Variants in PDS5B observed in about 807,000 individuals in gnomAD.
The protein encoded by PDS5B is sister chromatid cohesion protein PDS5 homolog B.
In PDS5B, 51 loss-of-function variants were observed where a neutral mutation model predicts 184.1. The ratio of observed to expected loss-of-function variants is 0.28; its 90% CI spans 0.22 to 0.35. The LOEUF (loss-of-function observed/expected upper bound fraction) is 0.35. Ranked by LOEUF, PDS5B falls within the 10% of genes least tolerant of loss-of-function variation. The pLI, the probability that PDS5B is intolerant of heterozygous loss-of-function variation, is 1.00. For missense variants in PDS5B, 1,180 were observed against 1,723.3 expected (o/e 0.68, Z 5.58); for synonymous variants, 566 against 569.2 (o/e 0.99, Z 0.08).
Position 32,701,784 on chromosome 13 carries a change from A to G in PDS5B, c.1856+346A>G, listed in dbSNP as rs568420612. 2.0e-5 allele frequency among the ~76,000 whole-genome samples: 3 copies of G among 152,244 alleles called. No individual in the cohort carries two copies. In the South Asian group the frequency reaches 6.2e-4, roughly 32 times the overall value. Reference sequence around the variant, plus strand: ...ACACTCTTTGTTTTTGTTAACTTGTATAGTTTAGGTAATATAAATAAATTT... The same window carrying G: ...ACACTCTTTGTTTTTGTTAACTTGTGTAGTTTAGGTAATATAAATAAATTT... On this transcript the variant is annotated intron_variant, in intron 17 of 34. Coordinates refer to ENST00000315596, the MANE Select transcript of PDS5B (RefSeq NM_015032.4).
At chr13:32,684,311 G>T (rs1351649357) in intron 11 of PDS5B, among the ~76,000 whole-genome samples, 1 of 152,100 alleles carries the variant, frequency 6.6e-6, no homozygotes, top group Non-Finnish European at 1.5e-5. Context: ...AGGGACTTTT[G>T]TAAAGGCCTG....
rs747834611 is a variant in PDS5B at position 32,770,267 on chromosome 13, A to C, written c.3771A>C (p.Ser1257=). 6.2e-7 allele frequency: 1 copy of C among 1,614,120 alleles called. No individual in the cohort carries two copies. The highest frequency in any genetic ancestry group is 8.5e-7 in the Non-Finnish European group (1 of 1,180,016). Reference sequence around the variant, plus strand: ...GTCGGAAAAGAGGCCATACGGCTTCAGAATCTGATGAACAGCAGTGGCCTG... The same window carrying C: ...GTCGGAAAAGAGGCCATACGGCTTCCGAATCTGATGAACAGCAGTGGCCTG... ...QRSRKRGHTA[S]ESDEQQWPEE... Residue 1257 remains serine (S), a synonymous_variant, in exon 32 of 35, where the codon TCA becomes TCC. Transcript: ENST00000315596.
intron 21 of PDS5B, among the ~76,000 whole-genome samples, chr13:32,735,561 A>T (rs1165685068): frequency 6.6e-6 from 1 of 152,206 alleles, no homozygotes; most frequent in East Asian, 1.9e-4. Flanking sequence ...TGATAAATAT[A>T]AAATATAACC....
At chr13:32,751,900 A>G (rs1429481544) in intron 24 of PDS5B, among the ~76,000 whole-genome samples, 1 of 152,120 alleles carries the variant, frequency 6.6e-6, no homozygotes, top group Non-Finnish European at 1.5e-5. Context: ...ATTTTGATAA[A>G]CTGAAATTTA....
At chr13:32,754,739 T>G (rs747407115) in intron 25 of PDS5B, among the ~76,000 whole-genome samples, 22 of 152,296 alleles carry the variant, frequency 1.4e-4, no homozygotes, top group Middle Eastern at 3.4e-3. Flanking sequence ...TGCTTGTGGT[T>G]GTTGTGAGAA....
At chr13:32,603,256 G>T (rs1045064038) in intron 1 of PDS5B, among the ~76,000 whole-genome samples, 2 of 151,988 alleles carry the variant, frequency 1.3e-5, no homozygotes, top group East Asian at 1.9e-4. Context: ...TAATCCGTCT[G>T]GAATTAATTT....
intron 1 of PDS5B, among the ~76,000 whole-genome samples, chr13:32,592,108 C>A (rs1215688653): frequency 1.3e-5 from 2 of 152,168 alleles, no homozygotes; most frequent in Non-Finnish European, 2.9e-5. Flanking sequence ...ATCTGCTTAT[C>A]CTGTCTCATC....
intron 18 of PDS5B, 41 bp from the exon 19 acceptor site, chr13:32,709,905 T>TG (rs1167104855): frequency 2.5e-6 from 3 of 1,192,162 alleles, no homozygotes; most frequent in Admixed American, 5.7e-5. Context: ...ATTATAAAGA[T>TG]GAAAAAGTTT....
rs553137957 is a variant in PDS5B, at chr13:32,667,753, A to T, written c.625-11A>T. On this transcript the variant is annotated splice_polypyrimidine_tract_variant and intron_variant, in intron 6 of 34. Transcript: ENST00000315596. ...GAGATATATAATATAGATATTGTTT[A>T]TGTTTTTCAGAATTTAAACAAGCAA... 112 of 1,539,754 alleles carry T rather than the reference A, an allele frequency of 7.3e-5. No homozygotes were observed. The East Asian group carries it at 2.2e-3, about 30-fold the overall frequency.
chr13:32,619,306 A>G (rs912932317), intron 1 of PDS5B, among the ~76,000 whole-genome samples: 11 of 152,224 alleles, frequency 7.2e-5, no homozygotes, highest in Non-Finnish European at 1.3e-4. Context: ...CTATGTGAAC[A>G]TGGCAGGGTG....
intron 24 of PDS5B, among the ~76,000 whole-genome samples, chr13:32,751,210 T>C (rs9591309): frequency 0.012 from 1,814 of 152,328 alleles, 38 homozygotes; most frequent in African/African-American, 0.04. Flanking sequence ...ACATGTAGTA[T>C]TCCATGGTGT....
intron 30 of PDS5B, among the ~76,000 whole-genome samples, chr13:32,763,214 A>G (rs1593637240): frequency 6.6e-6 from 1 of 152,090 alleles, no homozygotes; most frequent in South Asian, 2.1e-4. Context: ...AAACCATGGT[A>G]AGGAGTTTGG....
chr13:32,613,632 C>T (rs2058175172), intron 1 of PDS5B, among the ~76,000 whole-genome samples: 1 of 152,192 alleles, frequency 6.6e-6, no homozygotes, highest in African/African-American at 2.4e-5. Flanking sequence ...ATTCTAGATA[C>T]AAGTGCCTTA....
chr13:32,598,424 T>C (rs2057915179), intron 1 of PDS5B, among the ~76,000 whole-genome samples: 1 of 152,136 alleles, frequency 6.6e-6, no homozygotes, highest in African/African-American at 2.4e-5. Flanking sequence ...TCAGATACCC[T>C]CTCTCCTTTT....
intron 13 of PDS5B, among the ~76,000 whole-genome samples, chr13:32,693,120 ATTATT>A (rs1474082611): frequency 1.3e-5 from 2 of 152,014 alleles, no homozygotes; most frequent in Non-Finnish European, 2.9e-5. Context: ...TTCTTTGAAA[ATTATT>A]TTAATCTTAC....
intron 15 of PDS5B, among the ~76,000 whole-genome samples, chr13:32,697,184 T>G (rs1458980336): frequency 2.0e-5 from 3 of 152,198 alleles, no homozygotes; most frequent in African/African-American, 7.2e-5. Flanking sequence ...AGCCAAAATA[T>G]AAAGGATATA....
At chr13:32,610,732 T>C (rs2058128436) in intron 1 of PDS5B, among the ~76,000 whole-genome samples, 1 of 152,120 alleles carries the variant, frequency 6.6e-6, no homozygotes, top group Admixed American at 6.6e-5. Context: ...CCCTTACTAG[T>C]TGTTCATCCT....
At chr13:32,641,553 G>A (rs746947048) in intron 1 of PDS5B, among the ~76,000 whole-genome samples, 19 of 151,846 alleles carry the variant, frequency 1.3e-4, no homozygotes, top group Non-Finnish European at 2.4e-4. Flanking sequence ...ACTATATATC[G>A]TCCCTTCATC....
Position 32,588,787 on chromosome 13 carries a change from A to G in PDS5B, c.-20+2194A>G, listed in dbSNP as rs374821005. Among the ~76,000 whole-genome samples, 103 of 152,356 alleles carry G rather than the reference A, an allele frequency of 6.8e-4. 4 individuals carry two copies. The South Asian group carries it at 0.02, about 29-fold the overall frequency. On this transcript the variant is annotated intron_variant, in intron 1 of 34. Transcript: ENST00000315596. Reference sequence around the variant, plus strand: ...TGGCTGTTGGATGAAAGTTGTTTAAATTGTTCTGCAGCTTTGTTTAACGAA... The same window carrying G: ...TGGCTGTTGGATGAAAGTTGTTTAAGTTGTTCTGCAGCTTTGTTTAACGAA...
Sources: allele counts gnomAD v4.1 joint callset (sites outside exome capture counted in the v4.1 genomes callset), GRCh38; gene constraint gnomAD v4.1.1; transcripts MANE v1.5; gene names NCBI Gene and HGNC (gene_info 2026-07-23, HGNC 2026-07-21).